The following POLR2J variants were observed in gnomAD, a reference collection of about 807,000 sequenced individuals.
POLR2J encodes DNA-directed RNA polymerase II subunit RPB11-a.
A neutral mutation model predicts 13.4 loss-of-function variants in POLR2J; 12 were observed. The observed-to-expected ratio is 0.90, with a 90% confidence interval of 0.57 to 1.45. POLR2J has a LOEUF of 1.45. Among genes scored for constraint, POLR2J ranks in the 40% most tolerant of loss-of-function variants. The pLI is 0.00. For synonymous variants in POLR2J, 31 were observed against 53.6 expected (o/e 0.58, Z 1.84); for missense variants, 58 against 132.0 (o/e 0.44, Z 2.75).
chr7:102,474,568 G>C (rs2133282364), intron 2 of POLR2J, 33 bp from the exon 3 acceptor site: 1 of 1,278,518 alleles, frequency 7.8e-7, no homozygotes, highest in East Asian at 2.3e-5. Context: ...TGAGGGTCTA[G>C]CCTCATGCCC....
Position 102,478,833 on chromosome 7 carries a change from A to G in POLR2J, c.28T>C (p.Phe10Leu), listed in dbSNP as rs1798503844. The change falls in exon 1 of 4, where the codon TTC becomes CTC. Residue 10 changes from phenylalanine to leucine, a missense_variant. By Grantham distance (22) the Phe-to-Leu change is conservative. Around this residue, in one of 4 missense-constraint regions of POLR2J, gnomAD observed 23 missense variants for 52.6 expected, o/e 0.44. Coordinates refer to ENST00000292614, the MANE Select transcript of POLR2J (RefSeq NM_006234.6). The stretch of plus-strand genomic sequence containing the variant: ...TTCTTCTCGCCCTCGAAGAGCAAGA[A>G]CGACTCGAAGGCTGGAGGGGCGTTC... MNAPPAFES[F>L]LLFEGEKKIT... 9 of 1,610,892 alleles carry G rather than the reference A, an allele frequency of 5.6e-6. No homozygotes were observed. Among genetic ancestry groups the G allele is most frequent in the Non-Finnish European group, 6.8e-6 (8 of 1,179,728 alleles).
rs1206414450 is a variant in POLR2J, at chr7:102,473,216, T to TTGAC, written c.*429_*432dup. 1 of 830,060 alleles carries TTGAC rather than the reference T, an allele frequency of 1.2e-6. No individual in the cohort carries two copies. The highest frequency in any genetic ancestry group is 1.9e-5 in the South Asian group (1 of 53,268). 51.4% of individuals were successfully genotyped at this position (830,060 alleles called of 1,614,324 possible). The stretch of plus-strand genomic sequence containing the variant: ...TTATGCAGGAAGAAGTGTTCCTGCT[T>TTGAC]TGACTGACAGGCAGGCCCAGGAGTT... On this transcript the variant is annotated 3_prime_UTR_variant, in exon 4 of 4. Transcript: ENST00000292614.
At chr7:102,474,598 T>G in intron 2 of POLR2J, 63 bp from the exon 3 acceptor site, 1 of 1,406,460 alleles carries the variant, frequency 7.1e-7, no homozygotes, top group Non-Finnish European at 9.8e-7. Flanking sequence ...AGCAGCCAGC[T>G]CAGAGCAGAA....
intron 3 of POLR2J, chr7:102,474,067 G>A (rs1488820402): frequency 3.6e-6 from 5 of 1,406,364 alleles, no homozygotes; most frequent in South Asian, 1.5e-5. Context: ...CACCAACAAG[G>A]GACGTAGAAG....
In POLR2J at chr7:102,473,236, G is replaced by C. The variant is rs1798282887; in HGVS notation, c.*413C>G. On this transcript the variant is annotated 3_prime_UTR_variant, in exon 4 of 4. Transcript: ENST00000292614. ...CTGCTTTGACTGACAGGCAGGCCCA[G>C]GAGTTGAGGCTTCTAGAGCAGAGAC... 4.2e-6 allele frequency: 3 copies of C among 717,116 alleles called. No individual in the cohort carries two copies. In the East Asian group the frequency reaches 8.3e-5, roughly 20 times the overall value. 44.4% of individuals were successfully genotyped at this position (717,116 alleles called of 1,614,324 possible).
Position 102,476,493 on chromosome 7 carries a change from A to T in POLR2J, c.54-223T>A, listed in dbSNP as rs143168852. On this transcript the variant is annotated intron_variant, in intron 1 of 3. Coordinates refer to ENST00000292614, the MANE Select transcript of POLR2J (RefSeq NM_006234.6). ...TAAAAATACAAAGAAAAAAAAAATT[A>T]GCTGAGTGTGGTGATCCATGCCTGT... Among the ~76,000 whole-genome samples the T allele has an allele frequency of 3.0e-3, 451 of 150,018 alleles. 17 individuals are homozygous for T. The highest frequency in any genetic ancestry group is 0.011 in the African/African-American group (428 of 39,614).
At position 102,473,148 on chromosome 7, in the gene POLR2J, A is replaced by G; in HGVS notation, c.*501T>C. 6 of 1,339,492 alleles carry G rather than the reference A, an allele frequency of 4.5e-6. No homozygotes were observed. Among genetic ancestry groups the G allele is most frequent in the South Asian group, 4.1e-5 (3 of 72,612 alleles). The allele number at this position is 1,339,492 out of a possible 1,614,324, so 83.0% of individuals were successfully genotyped here. On this transcript the variant is annotated 3_prime_UTR_variant, in exon 4 of 4. Transcript: ENST00000292614. ...GGGTCTTTCAGTGAATATTTTTATT[A>G]AACTCTACTGTGGACAAGAAGCCTG...
chr7:102,473,883 A>T, intron 3 of POLR2J, 199 bp from the exon 4 acceptor site: 1 of 1,439,668 alleles, frequency 6.9e-7, no homozygotes, highest in Non-Finnish European at 9.1e-7. Context: ...GGCAGGAGTC[A>T]GAGGCCCCAG....
intron 3 of POLR2J, 196 bp from the exon 4 acceptor site, chr7:102,473,880 G>A: frequency 6.9e-7 from 1 of 1,441,692 alleles, no homozygotes; most frequent in Non-Finnish European, 9.1e-7. Flanking sequence ...CCCGGCAGGA[G>A]TCAGAGGCCC....
chr7:102,473,750 G>GC, intron 3 of POLR2J, 66 bp from the exon 4 acceptor site: 1 of 1,605,194 alleles, frequency 6.2e-7, no homozygotes, highest in Non-Finnish European at 8.5e-7. Flanking sequence ...GGAAACACAT[G>GC]CCCAGCATCC....
chr7:102,474,184 A>C, intron 3 of POLR2J, 177 bp downstream of exon 3: 1 of 1,544,840 alleles, frequency 6.5e-7, no homozygotes, highest in South Asian at 1.2e-5. Flanking sequence ...CCACAGGCCC[A>C]GACTCCACAG....
Position 102,474,358 on chromosome 7 carries a change from C to A in POLR2J, c.318+3G>T. 1 of 1,612,106 alleles carries A rather than the reference C, an allele frequency of 6.2e-7. No homozygotes were observed. The highest frequency in any genetic ancestry group is 8.5e-7 in the Non-Finnish European group (1 of 1,179,784). ...CGTCTGCCCCTCCAGGCCCCGCCCT[C>A]ACCCGAAAGCGCTCCTCCAGCAGGG... On this transcript the variant is annotated splice_donor_region_variant and intron_variant, in intron 3 of 3. Transcript: ENST00000292614.
chr7:102,473,162 A>G lies in POLR2J; in HGVS notation c.*487T>C. ...ATATTTTTATTAAACTCTACTGTGG[A>G]CAAGAAGCCTGTGGAAAGGTGTTTC... On this transcript the variant is annotated 3_prime_UTR_variant, in exon 4 of 4. Transcript: ENST00000292614. 8.1e-7 allele frequency: 1 copy of G among 1,237,814 alleles called. No homozygotes were observed. 76.7% of individuals were successfully genotyped at this position (1,237,814 alleles called of 1,614,324 possible).
At position 102,473,553 on chromosome 7, in the gene POLR2J, TGGGACCGGCCGCTCTCCTC is replaced by T. The variant is rs1563660758; in HGVS notation, c.*77_*95del. The T allele has an allele frequency of 2.0e-5, 25 of 1,243,908 alleles. No homozygotes were observed. Among genetic ancestry groups the T allele is most frequent in the Non-Finnish European group, 2.4e-5 (23 of 976,996 alleles). 77.1% of individuals were successfully genotyped at this position (1,243,908 alleles called of 1,614,324 possible). A position where few individuals can be genotyped will look rare whatever the true frequency, so the allele number is the denominator to read the frequency against. ...GGGTGGCCACAAGGCGGGCCATGGC[TGGGACCGGCCGCTCTCCTC>T]GGTGTGGTACCTGGAGCGGAGGGTC... On this transcript the variant is annotated 3_prime_UTR_variant, in exon 4 of 4. Transcript: ENST00000292614.
At chr7:102,476,334 A>G in intron 1 of POLR2J, 64 bp from the exon 2 acceptor site, 1 of 574,480 alleles carries the variant, frequency 1.7e-6, no homozygotes, top group South Asian at 1.8e-5. Flanking sequence ...CTGAGTCTAA[A>G]CCCTGTCTCC....
Position 102,473,153 on chromosome 7 carries a change from C to G in POLR2J, c.*496G>C. The G allele has an allele frequency of 7.7e-7, 1 of 1,295,912 alleles. No individual in the cohort carries two copies. Among genetic ancestry groups the G allele is most frequent in the Non-Finnish European group, 1.1e-6 (1 of 944,518 alleles). 80.3% of individuals were successfully genotyped at this position (1,295,912 alleles called of 1,614,324 possible). A position where few individuals can be genotyped will look rare whatever the true frequency, so the allele number is the denominator to read the frequency against. ...TTTCAGTGAATATTTTTATTAAACT[C>G]TACTGTGGACAAGAAGCCTGTGGAA... On this transcript the variant is annotated 3_prime_UTR_variant, in exon 4 of 4. Coordinates refer to ENST00000292614, the MANE Select transcript of POLR2J (RefSeq NM_006234.6).
intron 2 of POLR2J, among the ~76,000 whole-genome samples, chr7:102,475,083 A>C (rs1475018216): frequency 6.6e-6 from 1 of 152,000 alleles, no homozygotes; most frequent in Non-Finnish European, 1.5e-5. Context: ...CGTGAGCACC[A>C]CAAGGGGGAC....
chr7:102,473,926 G>C, intron 3 of POLR2J: 1 of 1,434,706 alleles, frequency 7.0e-7, no homozygotes, highest in Non-Finnish European at 9.1e-7. Flanking sequence ...CTCAGACGTT[G>C]AAATCCCCCA....
chr7:102,477,976 G>A (rs1204335771), intron 1 of POLR2J, among the ~76,000 whole-genome samples: 3 of 122,366 alleles, frequency 2.5e-5, no homozygotes, highest in African/African-American at 8.7e-5. Context: ...CAGCGCACCT[G>A]GCCAGATCCC....
Sources: gnomAD v4.1 joint callset for allele counts (sites outside exome capture counted in the v4.1 genomes callset) on GRCh38, gnomAD v4.1.1 for gene constraint, gnomAD v4.1.1 regional missense constraint, MANE v1.5 for transcripts, NCBI Gene and HGNC (gene_info 2026-07-23, HGNC 2026-07-21) for gene names.